LCOR: variants seen among roughly 807,000 people sequenced by gnomAD.
The protein encoded by LCOR is ligand dependent nuclear receptor corepressor, also known as ligand-dependent corepressor.
LCOR carries 14 observed loss-of-function variants against 64.4 expected under a neutral mutation model. That is an observed-to-expected ratio of 0.22 (90% confidence interval 0.14 to 0.34). The LOEUF (loss-of-function observed/expected upper bound fraction) is 0.34, where lower values mean the gene tolerates loss of function less well. Among genes scored for constraint, LCOR ranks in the 10% least tolerant of loss-of-function variants. LCOR has a pLI of 1.00. For synonymous variants in LCOR, 643 were observed against 642.5 expected (o/e 1.00, Z -0.01); for missense variants, 1,686 against 1,765.3 (o/e 0.96, Z 0.80).
chr10:96,924,610 T>C (rs559692686), intron 4 of LCOR, among the ~76,000 whole-genome samples: 4 of 152,274 alleles, frequency 2.6e-5, no homozygotes, highest in Admixed American at 6.5e-5. Context: ...AGTACAAAAA[T>C]ACCTATATAC....
intron 6 of LCOR, among the ~76,000 whole-genome samples, chr10:96,949,671 T>G (rs899926404): frequency 1.3e-5 from 2 of 152,202 alleles, no homozygotes; most frequent in Non-Finnish European, 2.9e-5. Flanking sequence ...AGCACCTGTC[T>G]GAGAAATATG....
chr10:96,894,838 G>A (rs1846510111), intron 2 of LCOR, among the ~76,000 whole-genome samples: 1 of 152,130 alleles, frequency 6.6e-6, no homozygotes, highest in Admixed American at 6.5e-5. Context: ...TTTGGAGTGG[G>A]TTAAGATATG....
chr10:96,865,871 T>A (rs1229696266), intron 2 of LCOR, among the ~76,000 whole-genome samples: 4 of 116,600 alleles, frequency 3.4e-5, no homozygotes, highest in Non-Finnish European at 6.4e-5. Context: ...CGAGACTCTG[T>A]CTCAAAAAAA....
In LCOR at chr10:96,982,525, C is replaced by T; in HGVS notation, c.2065C>T (p.Pro689Ser). The T allele has an allele frequency of 6.2e-7, 1 of 1,614,164 alleles. No individual in the cohort carries two copies. The highest frequency in any genetic ancestry group is 8.5e-7 in the Non-Finnish European group (1 of 1,180,044). Residue 689 changes from proline (P) to serine (S), a missense_variant, in exon 8 of 8, where the codon CCT becomes TCT. Pro to Ser is a moderately conservative substitution (Grantham distance 74). Around this residue, in one of 3 missense-constraint regions of LCOR, gnomAD observed 1,293 missense variants for 1,410.4 expected, o/e 0.92. Coordinates refer to ENST00000421806, the MANE Select transcript of LCOR (RefSeq NM_001346516.2). The stretch of plus-strand genomic sequence containing the variant: ...AGTCAGTGAAGATGTCATTTCTAGG[C>T]CTCATTCTCCTCCTGAAATAGTCAG... ...GGVSEDVISR[P>S]HSPPEIVSRE...
Position 96,875,001 on chromosome 10 carries a change from G to GA in LCOR, c.-329-32264_-329-32263insA, listed in dbSNP as rs1239032805. ...AGATTCCATCCAGACATCTTTTCTT[G>GA]GAAGCAGAATTCCCATACTCATTTT... On this transcript the variant is annotated intron_variant, in intron 2 of 7. Coordinates refer to ENST00000421806, the MANE Select transcript of LCOR (RefSeq NM_001346516.2). Among the ~76,000 whole-genome samples, 4 of 151,878 alleles carry GA rather than the reference G, an allele frequency of 2.6e-5. No individual in the cohort carries two copies. In the East Asian group the frequency reaches 7.7e-4, roughly 29 times the overall value.
At chr10:96,881,063 T>C (rs946371388) in intron 2 of LCOR, among the ~76,000 whole-genome samples, 8 of 152,216 alleles carry the variant, frequency 5.3e-5, no homozygotes, top group Non-Finnish European at 1.2e-4. Flanking sequence ...AGTCTCAAGA[T>C]CTAAGGGTGG....
chr10:96,907,022 C>T (rs1222129663), intron 2 of LCOR, among the ~76,000 whole-genome samples: 1 of 152,084 alleles, frequency 6.6e-6, no homozygotes, highest in African/African-American at 2.4e-5. Context: ...TGTGAATTTC[C>T]ATTCCTTCAT....
At chr10:96,879,141 A>T (rs1846218933) in intron 2 of LCOR, among the ~76,000 whole-genome samples, 1 of 152,198 alleles carries the variant, frequency 6.6e-6, no homozygotes, top group Non-Finnish European at 1.5e-5. Flanking sequence ...CACCCACTAT[A>T]TGCTGAATAC....
chr10:96,834,741 A>G (rs1299407268), intron 2 of LCOR, among the ~76,000 whole-genome samples: 1 of 152,042 alleles, frequency 6.6e-6, no homozygotes, highest in Non-Finnish European at 1.5e-5. Flanking sequence ...TCTGAGTTCC[A>G]TGTTGCTTTA....
At chr10:96,878,572 A>T (rs566298764) in intron 2 of LCOR, among the ~76,000 whole-genome samples, 2 of 152,150 alleles carry the variant, frequency 1.3e-5, no homozygotes, top group South Asian at 4.1e-4. Flanking sequence ...ACTGGGTGGC[A>T]CAGGTTTGGA....
rs1371771053 is a variant in LCOR, at chr10:96,989,695, A to ATATATATATATT, written c.*4562_*4563insATATATATATTT. 207 of 86,152 alleles carry ATATATATATATT rather than the reference A, an allele frequency of 2.4e-3. 2 individuals carry two copies. The highest frequency in any genetic ancestry group is 3.5e-3 in the East Asian group (9 of 2,594). The allele number at this position is 86,152 out of a possible 1,614,324, so 5.3% of individuals were successfully genotyped here. On this transcript the variant is annotated 3_prime_UTR_variant, in exon 8 of 8. Transcript: ENST00000421806. ...TAAGGATATATATATATATATATATATTTTTTTTTTTTTTTTTTTTTTTTA... is the reference window on the plus strand; with the variant it reads ...TAAGGATATATATATATATATATATATATATATATATTTTTTTTTTTTTTTTTTTTTTTTTTA...
intron 7 of LCOR, among the ~76,000 whole-genome samples, chr10:96,971,303 C>G (rs1407791817): frequency 6.6e-6 from 1 of 152,138 alleles, no homozygotes; most frequent in African/African-American, 2.4e-5. Flanking sequence ...TTCCTCTACC[C>G]CTTTCAATTC....
chr10:96,971,312 TC>T (rs1847997027), intron 7 of LCOR, among the ~76,000 whole-genome samples: 1 of 152,186 alleles, frequency 6.6e-6, no homozygotes, highest in South Asian at 2.1e-4. Context: ...CCCTTTCAAT[TC>T]CCTTGAAAAA....
At chr10:96,932,939 C>G (rs1847287738) in intron 4 of LCOR, among the ~76,000 whole-genome samples, 1 of 152,164 alleles carries the variant, frequency 6.6e-6, no homozygotes, top group African/African-American at 2.4e-5. Context: ...TTATAGTAAT[C>G]TATCCCAAGG....
chr10:96,832,649 G>A (rs1179876889), intron 1 of LCOR, among the ~76,000 whole-genome samples: 1 of 150,054 alleles, frequency 6.7e-6, no homozygotes, highest in Non-Finnish European at 1.5e-5. Context: ...CTCGGCGGGA[G>A]CGCGGGTTCC....
At chr10:96,931,125 ATATTAT>A (rs1409529712) in intron 4 of LCOR, among the ~76,000 whole-genome samples, 2 of 152,048 alleles carry the variant, frequency 1.3e-5, no homozygotes, top group African/African-American at 4.8e-5. Flanking sequence ...ATTATTTATA[ATATTAT>A]TATTAAAGCT....
chr10:96,906,317 G>A lies in LCOR; in HGVS notation c.-329-948G>A, dbSNP rs1362009166. ...CGTTAATTTCGAGGCCGCACTGAGAGTGCATATGGATTCATAGACTCCTTG... is the reference window on the plus strand; with the variant it reads ...CGTTAATTTCGAGGCCGCACTGAGAATGCATATGGATTCATAGACTCCTTG... On this transcript the variant is annotated intron_variant, in intron 2 of 7. Transcript: ENST00000421806. Among the ~76,000 whole-genome samples the A allele has an allele frequency of 3.3e-5, 5 of 152,316 alleles. No individual in the cohort carries two copies. The East Asian group carries it at 9.6e-4, about 29-fold the overall frequency.
chr10:96,916,599 A>ATATATC (rs1554836855), intron 4 of LCOR, among the ~76,000 whole-genome samples: 3 of 148,862 alleles, frequency 2.0e-5, no homozygotes, highest in Admixed American at 1.3e-4. Context: ...ATATATATAT[A>ATATATC]TATATATCTA....
chr10:96,850,502 A>T (rs900291927), intron 2 of LCOR, among the ~76,000 whole-genome samples: 3 of 152,074 alleles, frequency 2.0e-5, no homozygotes, highest in East Asian at 3.9e-4. Context: ...TTATTTATTT[A>T]TTTTTTTGAG....
Sources: gnomAD v4.1 joint callset for allele counts (sites outside exome capture counted in the v4.1 genomes callset) on GRCh38, gnomAD v4.1.1 for gene constraint, gnomAD v4.1.1 regional missense constraint, MANE v1.5 for transcripts, NCBI Gene and HGNC (gene_info 2026-07-23, HGNC 2026-07-21) for gene names.